Variants in CHIC1 observed in about 807,000 individuals in gnomAD.
The protein encoded by CHIC1 is cysteine rich hydrophobic domain 1, also known as cysteine-rich hydrophobic domain-containing protein 1.
A neutral mutation model predicts 18.5 loss-of-function variants in CHIC1; 7 were observed. That is an observed-to-expected ratio of 0.38 (90% confidence interval 0.22 to 0.71). The LOEUF (loss-of-function observed/expected upper bound fraction) is 0.71, where lower values mean the gene tolerates loss of function less well. Ranked by LOEUF, CHIC1 falls within the 30% of genes least tolerant of loss-of-function variation. The pLI, the probability that CHIC1 is intolerant of heterozygous loss-of-function variation, is 0.49. For missense variants in CHIC1, 159 were observed against 176.9 expected (o/e 0.90, Z 0.57); for synonymous variants, 77 against 73.5 (o/e 1.05, Z -0.25).
chrX:73,597,087 C>A (rs1201176849), intron 3 of CHIC1, among the ~76,000 whole-genome samples: 1 of 111,674 alleles, frequency 9.0e-6, no homozygotes, highest in African/African-American at 3.2e-5. Flanking sequence ...GGAGCTATAT[C>A]ATTTTACATT....
intron 3 of CHIC1, among the ~76,000 whole-genome samples, chrX:73,647,735 G>A (rs895641787): frequency 2.7e-5 from 3 of 112,360 alleles, no homozygotes; most frequent in Non-Finnish European, 5.6e-5. Flanking sequence ...AGCCCCTAGG[G>A]GAAGGCATGG....
At chrX:73,565,750 A>T (rs1726082317) in intron 1 of CHIC1, among the ~76,000 whole-genome samples, 1 of 111,549 alleles carries the variant, frequency 9.0e-6, no homozygotes. Context: ...AGGTAATCTT[A>T]TTCTGCGACT....
chrX:73,603,916 A>G (rs956003261), intron 3 of CHIC1, among the ~76,000 whole-genome samples: 1 of 109,067 alleles, frequency 9.2e-6, no homozygotes, highest in Non-Finnish European at 1.9e-5. Flanking sequence ...TATTTTATTG[A>G]GGATTTTCGC....
intron 3 of CHIC1, among the ~76,000 whole-genome samples, chrX:73,642,439 G>T (rs1338083369): frequency 5.5e-5 from 6 of 110,022 alleles, no homozygotes; most frequent in Non-Finnish European, 7.6e-5. Flanking sequence ...AGATGAGTAG[G>T]TTGCGAAAAT....
chrX:73,669,762 A>G (rs1442593470), intron 3 of CHIC1, among the ~76,000 whole-genome samples: 1 of 112,021 alleles, frequency 8.9e-6, no homozygotes, highest in Non-Finnish European at 1.9e-5. Context: ...AATGGCAGAG[A>G]TGGCACCTAT....
At chrX:73,568,380 G>A (rs1396088654) in intron 1 of CHIC1, among the ~76,000 whole-genome samples, 2 of 111,512 alleles carry the variant, frequency 1.8e-5, no homozygotes, top group African/African-American at 3.3e-5. Flanking sequence ...CCAATTCTGA[G>A]ATGATGATCA....
intron 3 of CHIC1, among the ~76,000 whole-genome samples, chrX:73,591,656 A>C (rs767001831): frequency 1.8e-5 from 2 of 111,282 alleles, no homozygotes; most frequent in Non-Finnish European, 3.8e-5. Flanking sequence ...ACCCAAGGTC[A>C]CCTAGATTTT....
At chrX:73,609,940 G>C (rs890927708) in intron 3 of CHIC1, among the ~76,000 whole-genome samples, 8 of 107,789 alleles carry the variant, frequency 7.4e-5, no homozygotes, top group African/African-American at 2.9e-4. Flanking sequence ...GTGCCACTGG[G>C]TATGAAAACA....
rs1043549784 is a variant in CHIC1 at position 73,601,729 on chromosome X, A to G, written c.507+17157A>G. On this transcript the variant is annotated intron_variant, in intron 3 of 5. Coordinates refer to ENST00000373502, the MANE Select transcript of CHIC1 (RefSeq NM_001039840.4). ...TAAAATCAGAGCAGAACTGAAGGAAATAGAGACACAAAAAACCCTTCAAAA... is the reference window on the plus strand; with the variant it reads ...TAAAATCAGAGCAGAACTGAAGGAAGTAGAGACACAAAAAACCCTTCAAAA... 4.4e-3 allele frequency among the ~76,000 whole-genome samples: 464 copies of G among 105,444 alleles called. 6 individuals are homozygous for G. Among genetic ancestry groups the G allele is most frequent in the Middle Eastern group, 9.3e-3 (2 of 215 alleles). The allele number at this position is 105,444 out of a possible 115,157, so 91.6% of individuals were successfully genotyped here. A position where few individuals can be genotyped will look rare whatever the true frequency, so the allele number is the denominator to read the frequency against.
intron 3 of CHIC1, among the ~76,000 whole-genome samples, chrX:73,652,919 T>C (rs2057924425): frequency 8.9e-6 from 1 of 111,875 alleles, no homozygotes; most frequent in African/African-American, 3.2e-5. Context: ...ATTATAAAGA[T>C]ACATGCACAC....
At position 73,682,086 on chromosome X, in the gene CHIC1, GAGAA is replaced by G. The variant is rs759839828; in HGVS notation, c.*1085_*1088del. ...TTCTGCAGTTCTGATATTCTAGTTT[GAGAA>G]AGAGAGAGAACTATTTGAGAAGCTG... On this transcript the variant is annotated 3_prime_UTR_variant, in exon 6 of 6. Coordinates refer to ENST00000373502, the MANE Select transcript of CHIC1 (RefSeq NM_001039840.4). 2 of 111,307 alleles carry G rather than the reference GAGAA, an allele frequency of 1.8e-5. No homozygotes were observed. Among genetic ancestry groups the G allele is most frequent in the Non-Finnish European group, 1.9e-5 (1 of 52,729 alleles). 9.2% of individuals were successfully genotyped at this position (111,307 alleles called of 1,213,427 possible). A position where few individuals can be genotyped will look rare whatever the true frequency, so the allele number is the denominator to read the frequency against.
chrX:73,622,804 G>A (rs749730268), intron 3 of CHIC1, among the ~76,000 whole-genome samples: 14 of 111,725 alleles, frequency 1.3e-4, no homozygotes, highest in South Asian at 3.7e-4. Flanking sequence ...CATCTTTCCC[G>A]CTTTCTTCTG....
intron 3 of CHIC1, among the ~76,000 whole-genome samples, chrX:73,591,015 G>A (rs1175686277): frequency 1.8e-5 from 2 of 111,367 alleles, no homozygotes; most frequent in African/African-American, 6.5e-5. Flanking sequence ...CTGCCAAACT[G>A]TCTTGCAAAG....
intron 3 of CHIC1, among the ~76,000 whole-genome samples, chrX:73,657,424 CCTG>C (rs2057955918): frequency 9.0e-6 from 1 of 111,254 alleles, no homozygotes; most frequent in Non-Finnish European, 1.9e-5. Flanking sequence ...TCTTGGCTTG[CCTG>C]TTGTTGGTGT....
intron 3 of CHIC1, among the ~76,000 whole-genome samples, chrX:73,637,164 G>A (rs1222814313): frequency 9.0e-6 from 1 of 111,397 alleles, no homozygotes; most frequent in African/African-American, 3.3e-5. Context: ...TATGTTAACA[G>A]GTGTTTTTAT....
chrX:73,597,365 T>C (rs1025467122), intron 3 of CHIC1, among the ~76,000 whole-genome samples: 4 of 110,335 alleles, frequency 3.6e-5, no homozygotes, highest in African/African-American at 1.3e-4. Context: ...GTGGGTGTTT[T>C]TATATAATCT....
intron 1 of CHIC1, among the ~76,000 whole-genome samples, chrX:73,569,943 C>T (rs2057463011): frequency 9.0e-6 from 1 of 110,938 alleles, no homozygotes; most frequent in Non-Finnish European, 1.9e-5. Flanking sequence ...TTCTAATATA[C>T]TTTTTATATT....
chrX:73,672,929 A>C (rs1253059661), intron 3 of CHIC1, among the ~76,000 whole-genome samples: 1 of 111,728 alleles, frequency 9.0e-6, no homozygotes, highest in Non-Finnish European at 1.9e-5. Flanking sequence ...ATCCATCTTG[A>C]ATTAATTTTT....
At chrX:73,678,091 C>T (rs2058079129) in intron 3 of CHIC1, among the ~76,000 whole-genome samples, 1 of 109,880 alleles carries the variant, frequency 9.1e-6, no homozygotes, top group African/African-American at 3.3e-5. Flanking sequence ...CGAGTTTTTC[C>T]TGTAGATGTA....
Sources: allele counts gnomAD v4.1 joint callset (sites outside exome capture counted in the v4.1 genomes callset), GRCh38; gene constraint gnomAD v4.1.1; transcripts MANE v1.5; gene names NCBI Gene and HGNC (gene_info 2026-07-23, HGNC 2026-07-21).